The following MAMDC2 variants were observed in gnomAD, a reference collection of about 807,000 sequenced individuals.
MAMDC2 encodes the protein MAM domain containing 2, also known as MAM domain-containing protein 2.
MAMDC2 carries 57 observed loss-of-function variants against 89.8 expected under a neutral mutation model. That is an observed-to-expected ratio of 0.63 (90% CI 0.51 to 0.79). The LOEUF (loss-of-function observed/expected upper bound fraction) is 0.79. Ranked by LOEUF, MAMDC2 falls within the 30% of genes least tolerant of loss-of-function variation. The probability of loss-of-function intolerance (pLI) is 0.00; values close to 1 mark genes in which losing one functional copy is unlikely to be tolerated. For missense variants in MAMDC2, 800 were observed against 820.6 expected (o/e 0.97, Z 0.31); for synonymous variants, 313 against 293.4 (o/e 1.07, Z -0.68).
At chr9:70,203,674 C>A (rs1198874165) in intron 11 of MAMDC2, among the ~76,000 whole-genome samples, 1 of 91,604 alleles carries the variant, frequency 1.1e-5, no homozygotes, top group Non-Finnish European at 2.2e-5. Flanking sequence ...TCCATTCTCC[C>A]CATCACTTTC....
intron 11 of MAMDC2, among the ~76,000 whole-genome samples, chr9:70,177,342 T>C (rs968772476): frequency 1.2e-4 from 18 of 152,138 alleles, no homozygotes; most frequent in African/African-American, 4.3e-4. Context: ...ATGGAGACAT[T>C]GGACAAAGAG....
chr9:70,112,395 C>T (rs757890386), intron 4 of MAMDC2, among the ~76,000 whole-genome samples: 8 of 152,132 alleles, frequency 5.3e-5, no homozygotes, highest in Non-Finnish European at 4.4e-5. Flanking sequence ...ATCTGCCCCA[C>T]CTATTTTACC....
At chr9:70,062,251 T>C (rs1198050232) in intron 2 of MAMDC2, among the ~76,000 whole-genome samples, 2 of 148,404 alleles carry the variant, frequency 1.3e-5, no homozygotes, top group Non-Finnish European at 2.9e-5. Flanking sequence ...TATATACATA[T>C]GAGATGTATA....
At chr9:70,089,707 G>C (rs1406595905) in intron 2 of MAMDC2, among the ~76,000 whole-genome samples, 3 of 152,146 alleles carry the variant, frequency 2.0e-5, no homozygotes, top group African/African-American at 7.2e-5. Context: ...TTTATTTCAG[G>C]CTAGCTTTAG....
chr9:70,121,653 C>T (rs969183499), intron 5 of MAMDC2, among the ~76,000 whole-genome samples: 1 of 151,128 alleles, frequency 6.6e-6, no homozygotes, highest in Non-Finnish European at 1.5e-5. Context: ...TTAAAGGATT[C>T]TGTCTACTTA....
intron 4 of MAMDC2, among the ~76,000 whole-genome samples, chr9:70,111,547 T>G (rs1828511925): frequency 6.6e-6 from 1 of 152,254 alleles, no homozygotes; most frequent in Admixed American, 6.5e-5. Context: ...GTGCTCAGAA[T>G]GGAGCCTGGC....
rs142406973 is a variant in MAMDC2 at position 70,191,069 on chromosome 9, A to C, written c.1651+20438A>C. Among the ~76,000 whole-genome samples, 3 of 152,280 alleles carry C rather than the reference A, an allele frequency of 2.0e-5. No individual in the cohort carries two copies. In the East Asian group the frequency reaches 5.8e-4, roughly 29 times the overall value. ...GGCAAGAAAAAAGGTCACTGTTCTT[A>C]GCAAAATTCAGTCATTTTTAGGAGG... On this transcript the variant is annotated intron_variant, in intron 11 of 13. Transcript: ENST00000377182.
intron 12 of MAMDC2, among the ~76,000 whole-genome samples, chr9:70,219,526 T>C (rs1040784573): frequency 6.6e-6 from 1 of 152,228 alleles, no homozygotes; most frequent in Non-Finnish European, 1.5e-5. Context: ...TTAAGGGTTT[T>C]ATTTTGCACC....
At chr9:70,154,587 C>T (rs564817243) in intron 9 of MAMDC2, among the ~76,000 whole-genome samples, 8 of 148,896 alleles carry the variant, frequency 5.4e-5, no homozygotes, top group Non-Finnish European at 8.9e-5. Context: ...TGCAGTGGCA[C>T]GATCATGGTT....
At chr9:70,134,213 A>T (rs2030918477) in intron 7 of MAMDC2, among the ~76,000 whole-genome samples, 1 of 152,120 alleles carries the variant, frequency 6.6e-6, no homozygotes, top group Non-Finnish European at 1.5e-5. Context: ...GAGTTAATCC[A>T]GTCTCCCGGA....
chr9:70,084,861 A>G (rs558438855), intron 2 of MAMDC2, among the ~76,000 whole-genome samples: 2 of 149,974 alleles, frequency 1.3e-5, no homozygotes, highest in African/African-American at 4.9e-5. Context: ...GAAAGGGGAA[A>G]AGTCTGGCAA....
At chr9:70,114,585 A>G (rs1368702077) in intron 5 of MAMDC2, among the ~76,000 whole-genome samples, 1 of 152,126 alleles carries the variant, frequency 6.6e-6, no homozygotes, top group Non-Finnish European at 1.5e-5. Context: ...CTTTATAAGT[A>G]ACCACAAATA....
At chr9:70,143,495 C>T in intron 8 of MAMDC2, 59 bp from the exon 9 acceptor site, 1 of 1,563,574 alleles carries the variant, frequency 6.4e-7, no homozygotes, top group East Asian at 2.3e-5. Context: ...CATATTTTAC[C>T]ACTTGCTAAT....
chr9:70,218,197 G>A, intron 11 of MAMDC2, 140 bp from the exon 12 acceptor site: 2 of 802,730 alleles, frequency 2.5e-6, no homozygotes, highest in Non-Finnish European at 3.8e-6. Context: ...TAGATAATAT[G>A]CATTCTTCAA....
chr9:70,200,134 T>C lies in MAMDC2; in HGVS notation c.1652-18203T>C, dbSNP rs568160781. ...GACATGAAGTCCTTGCCCATGCCTA[T>C]GTCCTGAATGGTAATGCCTAGGTTT... On this transcript the variant is annotated intron_variant, in intron 11 of 13. Transcript: ENST00000377182. 2.4e-4 allele frequency among the ~76,000 whole-genome samples: 36 copies of C among 152,256 alleles called. No homozygotes were observed. In the South Asian group the frequency reaches 7.5e-3, roughly 32 times the overall value.
At chr9:70,052,690 T>C (rs1266347251) in intron 2 of MAMDC2, among the ~76,000 whole-genome samples, 3 of 152,202 alleles carry the variant, frequency 2.0e-5, no homozygotes, top group Admixed American at 2.0e-4. Flanking sequence ...ACACTTTGAA[T>C]TTAACCAATC....
At chr9:70,147,129 A>G (rs1287829994) in intron 9 of MAMDC2, among the ~76,000 whole-genome samples, 1 of 148,416 alleles carries the variant, frequency 6.7e-6, no homozygotes. Context: ...GGTGGTACAC[A>G]CCTGTAGTCC....
At chr9:70,207,642 C>A (rs1368103406) in intron 11 of MAMDC2, among the ~76,000 whole-genome samples, 1 of 152,132 alleles carries the variant, frequency 6.6e-6, no homozygotes, top group African/African-American at 2.4e-5. Context: ...TTAATTAGAT[C>A]CCATTTGTCA....
intron 11 of MAMDC2, among the ~76,000 whole-genome samples, chr9:70,202,522 G>A (rs989604856): frequency 6.6e-6 from 1 of 151,222 alleles, no homozygotes; most frequent in Non-Finnish European, 1.5e-5. Flanking sequence ...GAAAAAAAAT[G>A]TATATTCTGT....
Sources: gnomAD v4.1 joint callset for allele counts (sites outside exome capture counted in the v4.1 genomes callset) on GRCh38, gnomAD v4.1.1 for gene constraint, MANE v1.5 for transcripts, NCBI Gene and HGNC (gene_info 2026-07-23, HGNC 2026-07-21) for gene names.